Variants in ANO10 observed in about 807,000 individuals in gnomAD.
ANO10 encodes anoctamin-10.
Under a neutral mutation model 74.7 loss-of-function variants are expected in ANO10, and 77 were observed. The observed-to-expected ratio is 1.03, with a 90% CI of 0.86 to 1.25. The LOEUF (loss-of-function observed/expected upper bound fraction) is 1.25. ANO10 is among the 50% of genes most tolerant of loss of function. The pLI is 0.00. For missense variants in ANO10, 721 were observed against 778.1 expected (o/e 0.93, Z 0.87); for synonymous variants, 279 against 284.9 (o/e 0.98, Z 0.21).
rs1397654102 is a variant in ANO10 at position 43,454,217 on chromosome 3, G to A, written c.1798-21490C>T. Among the ~76,000 whole-genome samples the A allele has an allele frequency of 3.9e-5, 6 of 152,176 alleles. No individual in the cohort carries two copies. In the South Asian group the frequency reaches 8.3e-4, roughly 21 times the overall value. ...TCAAGGAACACAGAGGAAGGCCTGT[G>A]TGTCTGGAATGGATTGCAAGAACGT... is the stretch of plus-strand genomic sequence containing the variant. On this transcript the variant is annotated intron_variant, in intron 11 of 12. Coordinates refer to ENST00000292246, the MANE Select transcript of ANO10 (RefSeq NM_018075.5).
chr3:43,387,868 C>T (rs2125710212), intron 12 of ANO10, among the ~76,000 whole-genome samples: 1 of 152,288 alleles, frequency 6.6e-6, no homozygotes, highest in East Asian at 1.9e-4. Flanking sequence ...CTGTGCTGGG[C>T]TTGTACCCCC....
chr3:43,380,492 T>C (rs945685457), intron 12 of ANO10, among the ~76,000 whole-genome samples: 5 of 152,142 alleles, frequency 3.3e-5, no homozygotes, highest in Non-Finnish European at 5.9e-5. Context: ...TAACAGCAGA[T>C]TTCTCATCAG....
At chr3:43,452,556 A>G (rs1366393146) in intron 11 of ANO10, among the ~76,000 whole-genome samples, 1 of 152,226 alleles carries the variant, frequency 6.6e-6, no homozygotes, top group East Asian at 1.9e-4. Flanking sequence ...TAAATAAACC[A>G]CATTTCATTT....
At chr3:43,506,073 T>G (rs920395264) in intron 11 of ANO10, among the ~76,000 whole-genome samples, 2 of 152,220 alleles carry the variant, frequency 1.3e-5, no homozygotes, top group Non-Finnish European at 2.9e-5. Context: ...TAAGTACACT[T>G]TAATGCATTT....
chr3:43,599,276 A>G (rs1307940230), intron 3 of ANO10, among the ~76,000 whole-genome samples: 1 of 152,202 alleles, frequency 6.6e-6, no homozygotes, highest in Non-Finnish European at 1.5e-5. Flanking sequence ...CTAACTCTGA[A>G]AGCCCTGGCA....
At chr3:43,635,282 T>C (rs1033427938) in intron 1 of ANO10, among the ~76,000 whole-genome samples, 17 of 152,198 alleles carry the variant, frequency 1.1e-4, no homozygotes, top group African/African-American at 4.1e-4. Context: ...CATTCAGAGC[T>C]AAATTTGAGT....
At chr3:43,513,198 G>A (rs1169562795) in intron 11 of ANO10, among the ~76,000 whole-genome samples, 2 of 152,144 alleles carry the variant, frequency 1.3e-5, no homozygotes, top group African/African-American at 4.8e-5. Context: ...ACAGGACTGA[G>A]AACAGTGTCT....
intron 4 of ANO10, among the ~76,000 whole-genome samples, chr3:43,594,762 C>G (rs1054476367): frequency 1.1e-4 from 16 of 152,034 alleles, no homozygotes; most frequent in African/African-American, 3.9e-4. Flanking sequence ...TAACTAAGAT[C>G]AGAGCAGAAC....
At chr3:43,438,831 C>A (rs1180012626) in intron 11 of ANO10, among the ~76,000 whole-genome samples, 1 of 151,370 alleles carries the variant, frequency 6.6e-6, no homozygotes, top group Non-Finnish European at 1.5e-5. Flanking sequence ...AAAGATAGGT[C>A]ATTGGAAATT....
chr3:43,377,763 A>C (rs2091850538), intron 12 of ANO10, among the ~76,000 whole-genome samples: 1 of 152,230 alleles, frequency 6.6e-6, no homozygotes, highest in South Asian at 2.1e-4. Flanking sequence ...AGGCTCCTTC[A>C]GTGAAAGCCA....
At chr3:43,413,463 A>G (rs1282532364) in intron 12 of ANO10, among the ~76,000 whole-genome samples, 1 of 151,740 alleles carries the variant, frequency 6.6e-6, no homozygotes, top group East Asian at 1.9e-4. Context: ...AAAAGTGTGT[A>G]GCACCTCCCG....
intron 1 of ANO10, among the ~76,000 whole-genome samples, chr3:43,681,679 G>C (rs1465428829): frequency 6.6e-6 from 1 of 152,174 alleles, no homozygotes; most frequent in East Asian, 1.9e-4. Flanking sequence ...ATAGTTGGAA[G>C]TAAAGCACTC....
At chr3:43,421,762 T>C (rs1012353501) in intron 12 of ANO10, among the ~76,000 whole-genome samples, 1 of 152,050 alleles carries the variant, frequency 6.6e-6, no homozygotes, top group African/African-American at 2.4e-5. Context: ...TGTTTGAGCC[T>C]GGAAGGTCAA....
At chr3:43,690,872 T>G (rs912217996) in intron 1 of ANO10, 5 of 1,128,700 alleles carry the variant, frequency 4.4e-6, no homozygotes, top group Middle Eastern at 3.1e-4. Flanking sequence ...GCCGTGCTAG[T>G]GCGCGGAAGA....
intron 7 of ANO10, among the ~76,000 whole-genome samples, chr3:43,567,926 AT>A (rs1422303059): frequency 6.6e-6 from 1 of 152,182 alleles, no homozygotes; most frequent in African/African-American, 2.4e-5. Context: ...AGTGTGCTGT[AT>A]TCAGGAAACC....
chr3:43,416,876 C>T (rs1016196216), intron 12 of ANO10, among the ~76,000 whole-genome samples: 2 of 152,148 alleles, frequency 1.3e-5, no homozygotes, highest in African/African-American at 4.8e-5. Flanking sequence ...GATCAAAAGA[C>T]GAGTTATTTC....
At chr3:43,498,971 G>C (rs1035667818) in intron 11 of ANO10, among the ~76,000 whole-genome samples, 2 of 152,192 alleles carry the variant, frequency 1.3e-5, no homozygotes, top group Non-Finnish European at 2.9e-5. Context: ...GGCACTGGGG[G>C]TAAGTCCCCA....
At chr3:43,682,277 A>T (rs1001647357) in intron 1 of ANO10, among the ~76,000 whole-genome samples, 4 of 152,280 alleles carry the variant, frequency 2.6e-5, no homozygotes, top group Admixed American at 1.3e-4. Flanking sequence ...AAATACAAAC[A>T]ACCATCAGAG....
At chr3:43,405,132 TAAAC>T (rs2092554439) in intron 12 of ANO10, among the ~76,000 whole-genome samples, 1 of 152,216 alleles carries the variant, frequency 6.6e-6, no homozygotes, top group African/African-American at 2.4e-5. Flanking sequence ...CTTTTAATCT[TAAAC>T]AAATCCAAAT....
Sources: allele counts gnomAD v4.1 joint callset (sites outside exome capture counted in the v4.1 genomes callset), GRCh38; gene constraint gnomAD v4.1.1; transcripts MANE v1.5; gene names NCBI Gene and HGNC (gene_info 2026-07-23, HGNC 2026-07-21).